Variants in CCDC141 observed in about 807,000 individuals in gnomAD.
CCDC141 encodes the protein coiled-coil domain containing 141.
Under a neutral mutation model 181.0 loss-of-function variants are expected in CCDC141, and 168 were observed. The observed-to-expected ratio is 0.93, with a 90% CI of 0.82 to 1.05. The LOEUF (loss-of-function observed/expected upper bound fraction) is 1.05. Among genes scored for constraint, CCDC141 ranks in the 50% least tolerant of loss-of-function variants. The pLI is 0.00. For missense variants in CCDC141, 1,902 were observed against 1,788.5 expected (o/e 1.06, Z -1.14); for synonymous variants, 666 against 642.3 (o/e 1.04, Z -0.56).
At chr2:178,818,305 C>G in the CCDC141 span, among the ~76,000 whole-genome samples, 2 of 152,174 alleles carry the variant, frequency 1.3e-5, no homozygotes, top group Admixed American at 1.3e-4. Context: ...TTCCAGGATA[C>G]ATGTGCAGGA....
intron 12 of CCDC141, chr2:178,876,441 C>G (rs909651150): frequency 6.6e-6 from 1 of 152,178 alleles, no homozygotes; most frequent in African/African-American, 2.4e-5. Context: ...GGAAAGAATG[C>G]CTTGATCGCT....
At chr2:179,015,354 C>T (rs189314222) in intron 2 of CCDC141, among the ~76,000 whole-genome samples, 14 of 126,572 alleles carry the variant, frequency 1.1e-4, no homozygotes, top group African/African-American at 4.3e-4. Context: ...ATGTATCATA[C>T]ATATCCCATA....
intron 2 of CCDC141, among the ~76,000 whole-genome samples, chr2:179,008,022 C>T (rs749237252): frequency 2.0e-5 from 3 of 152,106 alleles, no homozygotes; most frequent in East Asian, 1.9e-4. Context: ...CTGATGTCAT[C>T]GTCTATGTTC....
chr2:179,039,543 A>C (rs745491946), intron 2 of CCDC141, among the ~76,000 whole-genome samples: 47 of 152,290 alleles, frequency 3.1e-4, no homozygotes, highest in Admixed American at 1.0e-3. Flanking sequence ...TTCTCAAATA[A>C]AGACCCTGAG....
chr2:178,943,835 T>C (rs1689621123), intron 6 of CCDC141, among the ~76,000 whole-genome samples: 1 of 152,150 alleles, frequency 6.6e-6, no homozygotes, highest in South Asian at 2.1e-4. Flanking sequence ...CACTGGTGCT[T>C]TACTCATCTT....
the CCDC141 span, among the ~76,000 whole-genome samples, chr2:178,819,597 T>G: frequency 6.6e-6 from 1 of 152,182 alleles, no homozygotes; most frequent in Non-Finnish European, 1.5e-5. Context: ...CAACCAGGGA[T>G]GATTTTCTGC....
the CCDC141 span, among the ~76,000 whole-genome samples, chr2:178,823,314 A>T: frequency 1.3e-4 from 20 of 152,326 alleles, no homozygotes; most frequent in African/African-American, 3.8e-4. Context: ...AGAGGAACTT[A>T]ATGTCAAATT....
At chr2:178,976,855 A>G (rs1691144740) in intron 3 of CCDC141, among the ~76,000 whole-genome samples, 1 of 152,222 alleles carries the variant, frequency 6.6e-6, no homozygotes. Flanking sequence ...GAACATTAGA[A>G]AAAGTTCCAG....
intron 2 of CCDC141, among the ~76,000 whole-genome samples, chr2:179,000,549 A>C (rs2041939042): frequency 6.6e-6 from 1 of 152,188 alleles, no homozygotes; most frequent in Non-Finnish European, 1.5e-5. Flanking sequence ...CTTTGTTTTC[A>C]ATACTTTGTA....
chr2:179,022,000 A>G (rs2042702898), intron 2 of CCDC141, among the ~76,000 whole-genome samples: 1 of 152,210 alleles, frequency 6.6e-6, no homozygotes, highest in Non-Finnish European at 1.5e-5. Context: ...ATTCTTATAA[A>G]TGCGTCTCCT....
chr2:178,857,513 T>G (rs1434189459), intron 17 of CCDC141, among the ~76,000 whole-genome samples: 3 of 151,758 alleles, frequency 2.0e-5, no homozygotes, highest in Non-Finnish European at 4.4e-5. Flanking sequence ...GGGATAGATT[T>G]TGACAGTCTT....
chr2:178,959,151 G>A (rs915434513), intron 5 of CCDC141, among the ~76,000 whole-genome samples: 5 of 151,920 alleles, frequency 3.3e-5, no homozygotes, highest in African/African-American at 1.2e-4. Context: ...TGTGGGGTGG[G>A]GGAAGGGGGG....
intron 2 of CCDC141, among the ~76,000 whole-genome samples, chr2:179,043,977 C>T (rs340341): frequency 0.65 from 98,886 of 152,046 alleles, 33,331 homozygotes; most frequent in East Asian, 0.77. Flanking sequence ...ACAAAATCAA[C>T]GTGCAAAAAC....
chr2:178,916,232 A>G (rs1688440444), intron 7 of CCDC141, among the ~76,000 whole-genome samples: 1 of 152,224 alleles, frequency 6.6e-6, no homozygotes, highest in Non-Finnish European at 1.5e-5. Flanking sequence ...AATTCATTAT[A>G]TAAACTGAAC....
chr2:178,942,019 T>G (rs1689545239), intron 6 of CCDC141, among the ~76,000 whole-genome samples: 1 of 139,206 alleles, frequency 7.2e-6, no homozygotes, highest in African/African-American at 2.7e-5. Context: ...GAAAAGAAAT[T>G]TACTCTCAGG....
chr2:179,018,622 T>C (rs922648106), intron 2 of CCDC141, among the ~76,000 whole-genome samples: 13 of 152,182 alleles, frequency 8.5e-5, no homozygotes, highest in African/African-American at 3.1e-4. Context: ...GCCTTCTCCA[T>C]GAAACCCTTC....
intron 2 of CCDC141, among the ~76,000 whole-genome samples, chr2:179,010,707 AT>A (rs1434671056): frequency 6.6e-6 from 1 of 152,192 alleles, no homozygotes; most frequent in Non-Finnish European, 1.5e-5. Flanking sequence ...TAAAGCATAA[AT>A]CACATAGGAC....
intron 11 of CCDC141, 32 bp from the exon 12 acceptor site, chr2:178,878,175 T>A: frequency 1.4e-6 from 2 of 1,459,244 alleles, no homozygotes; most frequent in Non-Finnish European, 9.3e-7. Flanking sequence ...TAAGAACACT[T>A]AAACACATTT....
At chr2:178,909,905 T>A (rs1688147666) in intron 7 of CCDC141, among the ~76,000 whole-genome samples, 1 of 152,178 alleles carries the variant, frequency 6.6e-6, no homozygotes, top group African/African-American at 2.4e-5. Flanking sequence ...ATAAAGCTAC[T>A]ATGACTGGAT....
Sources: allele counts gnomAD v4.1 joint callset (sites outside exome capture counted in the v4.1 genomes callset), GRCh38; gene constraint gnomAD v4.1.1; transcripts MANE v1.5; gene names NCBI Gene and HGNC (gene_info 2026-07-23, HGNC 2026-07-21).